The following TRERF1 variants were observed in gnomAD, a reference collection of about 807,000 sequenced individuals.
The protein encoded by TRERF1 is transcriptional-regulating factor 1.
TRERF1 carries 27 observed loss-of-function variants against 122.9 expected under a neutral mutation model. That is an observed-to-expected ratio of 0.22 (90% CI 0.16 to 0.30). The LOEUF is 0.30. Ranked by LOEUF, TRERF1 falls within the 10% of genes least tolerant of loss-of-function variation. The pLI is 1.00. For missense variants in TRERF1, 1,248 were observed against 1,560.3 expected (o/e 0.80, Z 3.37); for synonymous variants, 636 against 641.7 (o/e 0.99, Z 0.13).
chr6:42,286,577 C>A (rs1185522743), intron 4 of TRERF1, among the ~76,000 whole-genome samples: 1 of 139,380 alleles, frequency 7.2e-6, no homozygotes, highest in Non-Finnish European at 1.6e-5. Flanking sequence ...AAATGCAAAT[C>A]AAAACCACAA....
intron 4 of TRERF1, among the ~76,000 whole-genome samples, chr6:42,277,291 C>A (rs530586547): frequency 6.6e-6 from 1 of 152,146 alleles, no homozygotes; most frequent in Admixed American, 6.5e-5. Context: ...GCCTGCTCCA[C>A]CTCCAGGGCC....
At chr6:42,356,703 T>C (rs1770619589) in intron 3 of TRERF1, among the ~76,000 whole-genome samples, 1 of 152,096 alleles carries the variant, frequency 6.6e-6, no homozygotes, top group East Asian at 1.9e-4. Context: ...GCCTCCCGAG[T>C]AGCTGGGATT....
At chr6:42,318,351 C>A (rs1473294773) in intron 3 of TRERF1, among the ~76,000 whole-genome samples, 1 of 152,174 alleles carries the variant, frequency 6.6e-6, no homozygotes. Flanking sequence ...TCTACCCCTA[C>A]CATGTAGGGT....
At chr6:42,416,110 G>A (rs527275888) in intron 2 of TRERF1, among the ~76,000 whole-genome samples, 76 of 152,090 alleles carry the variant, frequency 5.0e-4, no homozygotes, top group African/African-American at 1.7e-3. Flanking sequence ...TTTTCTAGCT[G>A]GATATTTATG....
intron 2 of TRERF1, among the ~76,000 whole-genome samples, chr6:42,406,219 C>T (rs1415647370): frequency 1.3e-5 from 2 of 152,214 alleles, no homozygotes; most frequent in African/African-American, 2.4e-5. Context: ...TGACTAACTC[C>T]AGGTCCCACA....
At position 42,259,012 on chromosome 6, in the gene TRERF1, G is replaced by T. The variant is rs1777290045; in HGVS notation, c.2269+327C>A. Among the ~76,000 whole-genome samples, 1 of 152,144 alleles carries T rather than the reference G, an allele frequency of 6.6e-6. No homozygotes were observed. Among genetic ancestry groups the T allele is most frequent in the Non-Finnish European group, 1.5e-5 (1 of 68,018 alleles). On this transcript the variant is annotated intron_variant, in intron 9 of 17. Transcript: ENST00000372922. This position sits in a 1 kb window ranked among gnomAD's most constrained non-coding sequence, Gnocchi z 4.9. ...GACCTCCGAAAACGCTGGGATTACA[G>T]GTGTGAGCCACCGCGCCCGGTCTCA... is the stretch of plus-strand genomic sequence containing the variant.
intron 4 of TRERF1, among the ~76,000 whole-genome samples, 149 bp downstream of exon 4, chr6:42,300,485 AATCT>A (rs1785981036): frequency 6.6e-6 from 1 of 152,212 alleles, no homozygotes; most frequent in Non-Finnish European, 1.5e-5. Context: ...AGCACACTTT[AATCT>A]GTAAAGTGAC....
intron 4 of TRERF1, among the ~76,000 whole-genome samples, chr6:42,288,953 C>CTGTGTGTGTGTGTGTG (rs3074800): frequency 1.4e-5 from 2 of 144,322 alleles, no homozygotes; most frequent in Non-Finnish European, 3.0e-5. Context: ...ATCTTGAACT[C>CTGTGTGTGTGTGTGTG]TGTGTGTGTG....
At chr6:42,338,796 C>T (rs1396464145) in intron 3 of TRERF1, among the ~76,000 whole-genome samples, 1 of 152,182 alleles carries the variant, frequency 6.6e-6, no homozygotes, top group African/African-American at 2.4e-5. Context: ...ACCAGGGTTC[C>T]CACATGGGAC....
At chr6:42,253,209 T>C (rs1253527069) in intron 13 of TRERF1, among the ~76,000 whole-genome samples, 1 of 152,204 alleles carries the variant, frequency 6.6e-6, no homozygotes, top group East Asian at 1.9e-4. Flanking sequence ...GATACTTGTT[T>C]GGTACACTTG....
intron 2 of TRERF1, among the ~76,000 whole-genome samples, chr6:42,444,823 C>A (rs952661449): frequency 1.3e-5 from 2 of 152,208 alleles, no homozygotes. Flanking sequence ...CTGCTCCTCG[C>A]CTTTCATCAT....
chr6:42,422,690 G>A (rs912608954), intron 2 of TRERF1, among the ~76,000 whole-genome samples: 4 of 151,046 alleles, frequency 2.6e-5, no homozygotes, highest in Admixed American at 2.6e-4. Context: ...ATCCCCCTTC[G>A]CTCCACCCCT....
At position 42,410,337 on chromosome 6, in the gene TRERF1, TG is replaced by T. The variant is rs548384905; in HGVS notation, c.-454+40839del. On this transcript the variant is annotated intron_variant, in intron 2 of 17. Coordinates refer to ENST00000372922, the Ensembl canonical transcript of TRERF1. Reference sequence around the variant, plus strand: ...TTTTTTTTTTAACTTTCTGTAGAGATGGGGTCTCACTATGTTGCCCAGACTA... The same window carrying T: ...TTTTTTTTTTAACTTTCTGTAGAGATGGGTCTCACTATGTTGCCCAGACTA... Among the ~76,000 whole-genome samples, 1,107 of 152,074 alleles carry T rather than the reference TG, an allele frequency of 7.3e-3. 15 individuals are homozygous for T. Among genetic ancestry groups the T allele is most frequent in the African/African-American group, 0.024 (1,013 of 41,472 alleles).
At chr6:42,396,372 C>G (rs1778583634) in intron 2 of TRERF1, among the ~76,000 whole-genome samples, 1 of 151,918 alleles carries the variant, frequency 6.6e-6, no homozygotes, top group Admixed American at 6.6e-5. Flanking sequence ...GCCCAGAATG[C>G]CCCACCCTCC....
intron 2 of TRERF1, among the ~76,000 whole-genome samples, chr6:42,425,251 C>A (rs989832999): frequency 6.6e-6 from 1 of 152,212 alleles, no homozygotes; most frequent in Middle Eastern, 3.2e-3. Context: ...GGGTCACATA[C>A]TTCACACTGA....
chr6:42,429,879 G>A (rs886706484), intron 2 of TRERF1, among the ~76,000 whole-genome samples: 3 of 152,176 alleles, frequency 2.0e-5, no homozygotes, highest in Non-Finnish European at 4.4e-5. Context: ...TCATTCGGGC[G>A]AAGGTGTGGC....
At chr6:42,265,376 A>G (rs1049615552) in intron 6 of TRERF1, among the ~76,000 whole-genome samples, 2 of 152,236 alleles carry the variant, frequency 1.3e-5, no homozygotes, top group Non-Finnish European at 2.9e-5. Context: ...GTAGGCACTC[A>G]ATAAATACTG....
chr6:42,427,476 C>A (rs960746535), intron 2 of TRERF1, among the ~76,000 whole-genome samples: 3 of 152,004 alleles, frequency 2.0e-5, no homozygotes, highest in Non-Finnish European at 4.4e-5. Context: ...GTTTTGAACT[C>A]CTGGGCTCAA....
chr6:42,355,339 T>A (rs1770308340), intron 3 of TRERF1, among the ~76,000 whole-genome samples: 1 of 152,248 alleles, frequency 6.6e-6, no homozygotes, highest in African/African-American at 2.4e-5. Context: ...GAACAACTTA[T>A]ATGAACCATA....
Sources: allele counts gnomAD v4.1 joint callset (sites outside exome capture counted in the v4.1 genomes callset), GRCh38; gene constraint gnomAD v4.1.1; non-coding constraint Gnocchi (gnomAD v3.1); transcripts MANE v1.5; gene names NCBI Gene and HGNC (gene_info 2026-07-23, HGNC 2026-07-21).